Variants in AUTS2 observed in about 807,000 individuals in gnomAD.
AUTS2 encodes autism susceptibility gene 2 protein.
A neutral mutation model predicts 112.4 loss-of-function variants in AUTS2; 17 were observed. The observed-to-expected ratio is 0.15, with a 90% CI of 0.10 to 0.23. The LOEUF is 0.23. Among genes scored for constraint, AUTS2 ranks in the 10% least tolerant of loss-of-function variants. AUTS2 has a pLI of 1.00. For missense variants in AUTS2, 1,510 were observed against 1,701.6 expected (o/e 0.89, Z 1.98); for synonymous variants, 751 against 702.7 (o/e 1.07, Z -1.09).
At chr7:70,764,700 A>G (rs1789801705) in intron 7 of AUTS2, 52 bp from the exon 8 acceptor site, 1 of 711,094 alleles carries the variant, frequency 1.4e-6, no homozygotes, top group African/African-American at 1.8e-5. Context: ...AAGAGAATAC[A>G]TTGCTTACCT....
chr7:69,916,579 G>A (rs1795587383), intron 2 of AUTS2, among the ~76,000 whole-genome samples: 1 of 151,986 alleles, frequency 6.6e-6, no homozygotes, highest in African/African-American at 2.4e-5. Context: ...CTATAATGGT[G>A]GTCCCCAAAT....
Position 69,607,561 on chromosome 7 carries a change from T to A in AUTS2, c.309+7599T>A, listed in dbSNP as rs950025471. Among the ~76,000 whole-genome samples, 18 of 152,246 alleles carry A rather than the reference T, an allele frequency of 1.2e-4. 1 individual carries two copies. The highest frequency in any genetic ancestry group is 4.3e-4 in the African/African-American group (18 of 41,468). On this transcript the variant is annotated intron_variant, in intron 1 of 18. Transcript: ENST00000342771. ...CCACAGTTTTCTTGGCCATTACAGC[T>A]CACTTTTCTAATTTCTCAGCTTATG... is the stretch of plus-strand genomic sequence containing the variant.
intron 1 of AUTS2, among the ~76,000 whole-genome samples, chr7:69,805,949 A>G (rs906186187): frequency 1.3e-5 from 2 of 151,000 alleles, no homozygotes; most frequent in African/African-American, 4.9e-5. Flanking sequence ...CCCAGGCTGG[A>G]GTGCAGTGGC....
chr7:70,526,919 A>G (rs536175834), intron 5 of AUTS2, among the ~76,000 whole-genome samples: 1 of 152,346 alleles, frequency 6.6e-6, no homozygotes, highest in East Asian at 1.9e-4. Flanking sequence ...TTTTACATAC[A>G]GGCTGCACTC....
At chr7:69,678,599 T>A (rs1584056109) in intron 1 of AUTS2, among the ~76,000 whole-genome samples, 1 of 152,196 alleles carries the variant, frequency 6.6e-6, no homozygotes, top group Admixed American at 6.5e-5. Flanking sequence ...GCCTGGAGTT[T>A]TCAGAAACTC....
intron 5 of AUTS2, among the ~76,000 whole-genome samples, chr7:70,608,407 A>G (rs1050690676): frequency 3.9e-5 from 6 of 152,164 alleles, no homozygotes; most frequent in African/African-American, 1.4e-4. Flanking sequence ...ATCCAGCCCA[A>G]TCTTTGACGG....
intron 3 of AUTS2, among the ~76,000 whole-genome samples, chr7:70,129,913 G>T (rs1309153910): frequency 2.6e-5 from 4 of 151,868 alleles, no homozygotes; most frequent in Non-Finnish European, 2.9e-5. Context: ...GTGTGTGTGT[G>T]TGTGTGTGTG....
chr7:69,963,225 A>AATG (rs1554413791), intron 2 of AUTS2, among the ~76,000 whole-genome samples: 1 of 152,174 alleles, frequency 6.6e-6, no homozygotes, highest in Non-Finnish European at 1.5e-5. Context: ...TAATAATAAT[A>AATG]ATAAGAGCCC....
At chr7:70,658,190 G>A (rs1403403165) in intron 5 of AUTS2, among the ~76,000 whole-genome samples, 4 of 152,178 alleles carry the variant, frequency 2.6e-5, no homozygotes, top group African/African-American at 7.2e-5. Context: ...GGACCTGGTG[G>A]AGCTCCTTCT....
intron 2 of AUTS2, among the ~76,000 whole-genome samples, chr7:69,998,500 G>T (rs905547763): frequency 1.2e-4 from 19 of 152,168 alleles, no homozygotes; most frequent in East Asian, 1.2e-3. Context: ...TTGCTTAAAG[G>T]TGCCTGGTTC....
At chr7:69,779,247 A>AC (rs1789038025) in intron 1 of AUTS2, among the ~76,000 whole-genome samples, 1 of 151,488 alleles carries the variant, frequency 6.6e-6, no homozygotes, top group African/African-American at 2.4e-5. Flanking sequence ...TTATTTAGGG[A>AC]CCCCCAGAAT....
At chr7:69,936,563 A>ATGGTCTCGATCTCC (rs1796421018) in intron 2 of AUTS2, among the ~76,000 whole-genome samples, 2 of 152,022 alleles carry the variant, frequency 1.3e-5, no homozygotes, top group Admixed American at 1.3e-4. Flanking sequence ...GTTAGCCAGG[A>ATGGTCTCGATCTCC]TGGTCTCGAT....
chr7:69,922,681 T>G (rs1277082659), intron 2 of AUTS2, among the ~76,000 whole-genome samples: 3 of 152,226 alleles, frequency 2.0e-5, no homozygotes, highest in Admixed American at 6.5e-5. Context: ...GCTTCTCTCC[T>G]TACACATTTC....
intron 5 of AUTS2, among the ~76,000 whole-genome samples, chr7:70,563,798 G>A (rs1018526095): frequency 1.3e-5 from 2 of 152,146 alleles, no homozygotes; most frequent in African/African-American, 4.8e-5. Context: ...AGTAAAACAG[G>A]TGTTCTGCCC....
At chr7:69,897,191 T>C (rs941066100) in intron 1 of AUTS2, among the ~76,000 whole-genome samples, 4 of 152,218 alleles carry the variant, frequency 2.6e-5, no homozygotes, top group African/African-American at 9.6e-5. Context: ...TGGGCAACAC[T>C]GCTAAGAGTC....
chr7:70,495,856 C>G (rs1798452148), intron 5 of AUTS2, among the ~76,000 whole-genome samples: 1 of 144,252 alleles, frequency 6.9e-6, no homozygotes, highest in South Asian at 2.2e-4. Flanking sequence ...CGTACACAAA[C>G]ACACACACGC....
At chr7:70,358,847 A>C (rs1053014258) in intron 4 of AUTS2, among the ~76,000 whole-genome samples, 1 of 152,206 alleles carries the variant, frequency 6.6e-6, no homozygotes, top group African/African-American at 2.4e-5. Flanking sequence ...CATGTCCTGC[A>C]AAAATAAAAT....
At chr7:70,505,240 G>C (rs1798917319) in intron 5 of AUTS2, among the ~76,000 whole-genome samples, 1 of 152,114 alleles carries the variant, frequency 6.6e-6, no homozygotes, top group Non-Finnish European at 1.5e-5. Context: ...CTTCCTTTTT[G>C]GATGAGAAAG....
chr7:70,701,587 G>A (rs543415675), intron 6 of AUTS2, among the ~76,000 whole-genome samples: 2 of 152,088 alleles, frequency 1.3e-5, no homozygotes, highest in African/African-American at 4.8e-5. Flanking sequence ...TAGGTGTTCC[G>A]AATGGTCGTT....
Sources: allele counts gnomAD v4.1 joint callset (sites outside exome capture counted in the v4.1 genomes callset), GRCh38; gene constraint gnomAD v4.1.1; transcripts MANE v1.5; gene names NCBI Gene and HGNC (gene_info 2026-07-23, HGNC 2026-07-21).